STAG2: variants seen among roughly 807,000 people sequenced by gnomAD.
The protein encoded by STAG2 is STAG2 cohesin complex component, also known as cohesin subunit SA-2.
In STAG2, 14 loss-of-function variants were observed where a neutral mutation model predicts 108.1. The ratio of observed to expected loss-of-function variants is 0.13; its 90% CI spans 0.09 to 0.20. The LOEUF (loss-of-function observed/expected upper bound fraction) is 0.20, where lower values mean the gene tolerates loss of function less well. Among genes scored for constraint, STAG2 ranks in the 10% least tolerant of loss-of-function variants. STAG2 has a pLI of 1.00. For synonymous variants in STAG2, 307 were observed against 302.7 expected, an observed-to-expected ratio of 1.01 and a Z score of -0.15; for missense variants, 440 against 940.9, an observed-to-expected ratio of 0.47 and a Z score of 6.96.
At chrX:123,974,144 G>A (rs2147575806) in intron 1 of STAG2, among the ~76,000 whole-genome samples, 1 of 111,111 alleles carries the variant, frequency 9.0e-6, no homozygotes, top group East Asian at 2.8e-4. Context: ...AACAACCGAG[G>A]GCTTTAATGT....
intron 24 of STAG2, among the ~76,000 whole-genome samples, chrX:124,069,220 ATCATGT>A (rs1462166194): frequency 8.9e-6 from 1 of 112,410 alleles, no homozygotes; most frequent in African/African-American, 3.2e-5. Flanking sequence ...TAGAACTAAC[ATCATGT>A]TCAATTCTAA....
At chrX:124,028,802 ATATATATATATATATATATATT>A (rs2057196992) in intron 4 of STAG2, among the ~76,000 whole-genome samples, 1 of 81,864 alleles carries the variant, frequency 1.2e-5, no homozygotes, top group African/African-American at 4.8e-5. Flanking sequence ...GTTTATATAT[ATATATATATATATATATATATT>A]TTTTTTTTTA....
chrX:124,047,487 G>C lies in STAG2; in HGVS notation c.801G>C (p.Leu267=), dbSNP rs750451085. 5.0e-6 allele frequency: 6 copies of C among 1,206,280 alleles called. No homozygotes were observed. The South Asian group carries it at 9.0e-5, about 18-fold the overall frequency. Reference sequence around the variant, plus strand: ...GAGCCAATGAGAGGCTAGAACTCCTGCTACAAAAGCGGAAAGAGGTAAACT... The same window carrying C: ...GAGCCAATGAGAGGCTAGAACTCCTCCTACAAAAGCGGAAAGAGGTAAACT... ...GKRANERLEL[L]LQKRKELQEN... is the part of the protein sequence containing the mutation. Residue 267 remains leucine (L), a synonymous_variant, in exon 9 of 35, where the codon CTG becomes CTC. Transcript: ENST00000371145.
At chrX:124,034,634 C>T (rs1157189606) in intron 5 of STAG2, among the ~76,000 whole-genome samples, 1 of 110,923 alleles carries the variant, frequency 9.0e-6, no homozygotes, top group Non-Finnish European at 1.9e-5. Flanking sequence ...TTATTTTACT[C>T]CCCCCTTGCA....
intron 1 of STAG2, among the ~76,000 whole-genome samples, chrX:123,965,041 T>C (rs1184973966): frequency 2.0e-5 from 2 of 101,672 alleles, no homozygotes; most frequent in Admixed American, 1.1e-4. Context: ...ATTTTAAAAA[T>C]ACATGTCACA....
At chrX:123,967,686 G>A (rs1404385672) in intron 1 of STAG2, among the ~76,000 whole-genome samples, 1 of 111,001 alleles carries the variant, frequency 9.0e-6, no homozygotes, top group African/African-American at 3.3e-5. Context: ...ACACCTAGAT[G>A]GAATAGCCTA....
At chrX:124,086,302 TATC>T (rs2059105519) in intron 29 of STAG2, among the ~76,000 whole-genome samples, 1 of 111,823 alleles carries the variant, frequency 8.9e-6, no homozygotes, top group Admixed American at 9.5e-5. Context: ...GTAGGTATCA[TATC>T]ATATCCATCT....
chrX:124,058,198 C>T (rs2058271807), intron 15 of STAG2, among the ~76,000 whole-genome samples: 1 of 96,806 alleles, frequency 1.0e-5, no homozygotes, highest in Admixed American at 1.2e-4. Flanking sequence ...TGCTCTGTCA[C>T]CCAGGCTGGA....
Position 124,063,940 on chromosome X carries a change from A to G in STAG2, c.1914A>G (p.Ala638=). 2.5e-6 allele frequency: 3 copies of G among 1,208,033 alleles called. No homozygotes were observed. The highest frequency in any genetic ancestry group is 2.3e-4 in the Middle Eastern group (1 of 4,347). ...VLEACSKTYH[A]LCNEEFTIFN... ...AAGCATGTTCTAAAACTTACCATGC[A>G]CTCTGTAATGAAGAGTTCACAATCT... The change falls in exon 20 of 35, where the codon GCA becomes GCG. Residue 638 remains alanine, a synonymous_variant. Transcript: ENST00000371145.
intron 1 of STAG2, among the ~76,000 whole-genome samples, chrX:123,992,981 T>G (rs941179395): frequency 2.7e-5 from 3 of 111,811 alleles, no homozygotes; most frequent in Non-Finnish European, 5.6e-5. Flanking sequence ...AACTGTAGGT[T>G]CAATTTTATT....
chrX:124,038,145 T>C (rs2057576832), intron 6 of STAG2, among the ~76,000 whole-genome samples: 1 of 112,582 alleles, frequency 8.9e-6, no homozygotes, highest in Non-Finnish European at 1.9e-5. Context: ...GTTTTCACTT[T>C]ATTTTAAAAA....
chrX:123,991,811 C>G (rs1002038963), intron 1 of STAG2, among the ~76,000 whole-genome samples: 17 of 111,065 alleles, frequency 1.5e-4, no homozygotes, highest in African/African-American at 4.9e-4. Flanking sequence ...ATTACAGGTG[C>G]ACGCCACCAC....
chrX:124,029,011 A>ATATATT (rs1556502224), intron 4 of STAG2, among the ~76,000 whole-genome samples: 11 of 82,507 alleles, frequency 1.3e-4, no homozygotes, highest in African/African-American at 5.0e-4. Flanking sequence ...ATATATATAT[A>ATATATT]TATTTATTTA....
intron 27 of STAG2, among the ~76,000 whole-genome samples, chrX:124,081,027 G>A (rs1415171456): frequency 6.3e-5 from 7 of 111,861 alleles, no homozygotes. Flanking sequence ...AAGAGTTCTT[G>A]ATGTAAAGAT....
intron 28 of STAG2, among the ~76,000 whole-genome samples, chrX:124,082,836 T>C (rs771755223): frequency 3.6e-5 from 4 of 111,968 alleles, no homozygotes; most frequent in Non-Finnish European, 5.6e-5. Flanking sequence ...CTTTTTTTCA[T>C]GTAATATCCT....
At chrX:123,991,918 C>T (rs1290550945) in intron 1 of STAG2, among the ~76,000 whole-genome samples, 2 of 112,614 alleles carry the variant, frequency 1.8e-5, no homozygotes, top group Admixed American at 9.4e-5. Flanking sequence ...CCCGCCTCAG[C>T]GGGATTACAG....
intron 1 of STAG2, among the ~76,000 whole-genome samples, chrX:123,980,770 A>G (rs894836232): frequency 2.7e-5 from 3 of 112,311 alleles, no homozygotes; most frequent in African/African-American, 9.7e-5. Flanking sequence ...GTGGCTGATC[A>G]AAGAATTGAT....
intron 24 of STAG2, 21 bp from the exon 25 acceptor site, chrX:124,071,128 C>CTTTT (rs77366098): frequency 2.4e-6 from 2 of 848,878 alleles, no homozygotes; most frequent in South Asian, 3.7e-5. Flanking sequence ...ATGCTTTCCT[C>CTTTT]TTTTTTTTTT....
chrX:124,052,815 C>CTTTTTTT (rs746658587), intron 13 of STAG2, among the ~76,000 whole-genome samples: 3 of 97,557 alleles, frequency 3.1e-5, no homozygotes, highest in Non-Finnish European at 2.1e-5. Context: ...TTTCCAATTT[C>CTTTTTTT]TTTTTTTTTT....
Sources: gnomAD v4.1 joint callset for allele counts (sites outside exome capture counted in the v4.1 genomes callset) on GRCh38, gnomAD v4.1.1 for gene constraint, MANE v1.5 for transcripts, NCBI Gene and HGNC (gene_info 2026-07-23, HGNC 2026-07-21) for gene names.